The following MTG2 variants were observed in gnomAD, a reference collection of about 807,000 sequenced individuals.
MTG2 encodes the protein mitochondrial ribosome-associated GTPase 2.
A neutral mutation model predicts 28.6 loss-of-function variants in MTG2; 23 were observed. The ratio of observed to expected loss-of-function variants is 0.80; its 90% CI spans 0.58 to 1.14. MTG2 has a LOEUF of 1.14. Among genes scored for constraint, MTG2 ranks in the 50% most tolerant of loss-of-function variants. The probability of loss-of-function intolerance (pLI) is 0.00; values close to 1 mark genes in which losing one functional copy is unlikely to be tolerated. For synonymous variants in MTG2, 260 were observed against 251.8 expected, an observed-to-expected ratio of 1.03 and a Z score of -0.31; for missense variants, 539 against 552.0, an observed-to-expected ratio of 0.98 and a Z score of 0.24.
At chr20:62,200,314 A>G (rs1436128507) in intron 6 of MTG2, 2 of 189,396 alleles carry the variant, frequency 1.1e-5, no homozygotes, top group Non-Finnish European at 2.1e-5. Flanking sequence ...AGTACTCTAC[A>G]TGTAAATTTC....
At chr20:62,183,603 A>C (rs1348224561) in intron 1 of MTG2, among the ~76,000 whole-genome samples, 3 of 152,150 alleles carry the variant, frequency 2.0e-5, no homozygotes, top group African/African-American at 7.2e-5. Flanking sequence ...CTGCCCAGTG[A>C]GAGCGGGTTA....
At chr20:62,200,386 T>G in intron 6 of MTG2, 1 of 325,122 alleles carries the variant, frequency 3.1e-6, no homozygotes, top group Non-Finnish European at 5.6e-6. Context: ...TGAATCCTAT[T>G]AGAAGCAGAA....
intron 1 of MTG2, among the ~76,000 whole-genome samples, chr20:62,190,437 C>G (rs1193276572): frequency 6.6e-6 from 1 of 152,212 alleles, no homozygotes; most frequent in Non-Finnish European, 1.5e-5. Context: ...AAGATCCAGG[C>G]TTCCCTCTGG....
At chr20:62,191,738 T>C (rs1290274030) in intron 1 of MTG2, among the ~76,000 whole-genome samples, 2 of 152,116 alleles carry the variant, frequency 1.3e-5, no homozygotes, top group African/African-American at 4.8e-5. Context: ...GGGAGCACCT[T>C]GTAAGGTCCC....
At chr20:62,193,878 A>G (rs1296902281) in intron 2 of MTG2, 3 of 497,130 alleles carry the variant, frequency 6.0e-6, no homozygotes, top group Non-Finnish European at 1.1e-5. Context: ...TCATTTTCCC[A>G]TGAGCCTGTG....
At chr20:62,189,556 T>C (rs1485451653) in intron 1 of MTG2, among the ~76,000 whole-genome samples, 1 of 152,064 alleles carries the variant, frequency 6.6e-6, no homozygotes. Flanking sequence ...CTTCCCGCCT[T>C]GGCCTCCTAC....
At chr20:62,200,538 G>A (rs192206615) in intron 6 of MTG2, 145 bp from the exon 7 acceptor site, 10 of 882,812 alleles carry the variant, frequency 1.1e-5, no homozygotes, top group East Asian at 3.9e-5. Flanking sequence ...AGTTCAAGGC[G>A]TTCCTTGAAA....
chr20:62,187,008 GT>G (rs1292835048), intron 1 of MTG2, among the ~76,000 whole-genome samples: 1 of 152,196 alleles, frequency 6.6e-6, no homozygotes, highest in Non-Finnish European at 1.5e-5. Context: ...TTCATTAAAT[GT>G]GATTAGCTGT....
At chr20:62,195,444 T>A (rs1189655561) in intron 2 of MTG2, among the ~76,000 whole-genome samples, 1 of 152,214 alleles carries the variant, frequency 6.6e-6, no homozygotes, top group East Asian at 1.9e-4. Context: ...GAAAGACACA[T>A]TATATAAGGA....
At position 62,201,050 on chromosome 20, in the gene MTG2, C is replaced by T; in HGVS notation, c.1194C>T (p.Gly398=). 1 of 1,596,230 alleles carries T rather than the reference C, an allele frequency of 6.3e-7. No homozygotes were observed. Among genetic ancestry groups the T allele is most frequent in the Non-Finnish European group, 8.5e-7 (1 of 1,173,318 alleles). ...LYDAYAEAEL[G]QGRQPLRW is the part of the protein sequence containing the mutation. The stretch of plus-strand genomic sequence containing the variant: ...ACGCCTACGCGGAGGCCGAGCTGGG[C>T]CAGGGCCGCCAGCCGCTCAGGTGGT... Residue 398 remains glycine, a synonymous_variant, in exon 7 of 7, where the codon GGC becomes GGT. Transcript: ENST00000370823.
chr20:62,184,943 C>G (rs2057809949), intron 1 of MTG2, among the ~76,000 whole-genome samples: 1 of 151,968 alleles, frequency 6.6e-6, no homozygotes, highest in African/African-American at 2.4e-5. Flanking sequence ...AACCCCGTCT[C>G]TATTAAAAAT....
intron 1 of MTG2, among the ~76,000 whole-genome samples, chr20:62,184,313 G>C (rs549941002): frequency 2.6e-5 from 4 of 151,834 alleles, no homozygotes; most frequent in Non-Finnish European, 4.4e-5. Flanking sequence ...AGCCGAGACC[G>C]CACCACTCTG....
At chr20:62,190,107 G>C (rs143283992) in intron 1 of MTG2, among the ~76,000 whole-genome samples, 1 of 152,086 alleles carries the variant, frequency 6.6e-6, no homozygotes, top group East Asian at 1.9e-4. Context: ...TCATTTATCT[G>C]TTGGCTTTTC....
intron 1 of MTG2, among the ~76,000 whole-genome samples, chr20:62,188,260 A>G (rs62205887): frequency 1.2e-4 from 18 of 151,818 alleles, no homozygotes; most frequent in South Asian, 1.0e-3. Context: ...ATTTGCAGGT[A>G]TTTGGGATTT....
At chr20:62,197,031 T>G (rs1237167524) in intron 3 of MTG2, among the ~76,000 whole-genome samples, 1 of 151,532 alleles carries the variant, frequency 6.6e-6, no homozygotes, top group Non-Finnish European at 1.5e-5. Flanking sequence ...AAACTCCGTC[T>G]CAAAAAAATA....
At chr20:62,199,595 G>A (rs1345129992) in intron 6 of MTG2, among the ~76,000 whole-genome samples, 3 of 141,220 alleles carry the variant, frequency 2.1e-5, no homozygotes, top group South Asian at 2.4e-4. Flanking sequence ...GCAGTGAGCC[G>A]AGATCATGCC....
intron 2 of MTG2, among the ~76,000 whole-genome samples, chr20:62,194,459 G>A (rs906204440): frequency 6.6e-6 from 1 of 152,236 alleles, no homozygotes; most frequent in Non-Finnish European, 1.5e-5. Flanking sequence ...TTTCCTCCCT[G>A]TCTGGTGGAT....
At chr20:62,190,770 G>A (rs2057942993) in intron 1 of MTG2, among the ~76,000 whole-genome samples, 2 of 152,252 alleles carry the variant, frequency 1.3e-5, no homozygotes, top group Admixed American at 6.5e-5. Context: ...CACAGGCACG[G>A]CTGCGGGGGC....
intron 3 of MTG2, 191 bp from the exon 4 acceptor site, chr20:62,197,661 A>G: frequency 5.2e-6 from 3 of 575,258 alleles, no homozygotes; most frequent in Non-Finnish European, 9.3e-6. Flanking sequence ...TTCAGAAATG[A>G]TAGCACTTTT....
Sources: allele counts gnomAD v4.1 joint callset (sites outside exome capture counted in the v4.1 genomes callset), GRCh38; gene constraint gnomAD v4.1.1; transcripts MANE v1.5; gene names NCBI Gene and HGNC (gene_info 2026-07-23, HGNC 2026-07-21).